UPB1: variants seen among roughly 807,000 people sequenced by gnomAD.
The protein encoded by UPB1 is beta-ureidopropionase.
UPB1 carries 40 observed loss-of-function variants against 49.1 expected under a neutral mutation model. The observed-to-expected ratio is 0.81, with a 90% confidence interval of 0.63 to 1.06. UPB1 has a LOEUF of 1.06. Among genes scored for constraint, UPB1 ranks in the 50% least tolerant of loss-of-function variants. The pLI is 0.00. For synonymous variants in UPB1, 207 were observed against 198.2 expected (o/e 1.04, Z -0.38); for missense variants, 499 against 505.9 (o/e 0.99, Z 0.13).
Position 24,500,416 on chromosome 22 carries a change from C to T in UPB1, c.276+138C>T, listed in dbSNP as rs1034607688. ...TCAAGCAGTAGCAGAGGCGCTTCTGCCCTGGCCTCCCCACATCCCTCCAGC... is the reference window on the plus strand; with the variant it reads ...TCAAGCAGTAGCAGAGGCGCTTCTGTCCTGGCCTCCCCACATCCCTCCAGC... On this transcript the variant is annotated intron_variant, in intron 2 of 9. Coordinates refer to ENST00000326010, the MANE Select transcript of UPB1 (RefSeq NM_016327.3). 1.2e-4 allele frequency: 131 copies of T among 1,059,790 alleles called. 2 individuals carry two copies. The highest frequency in any genetic ancestry group is 1.2e-3 in the Middle Eastern group (4 of 3,348). 65.6% of individuals were successfully genotyped at this position (1,059,790 alleles called of 1,614,324 possible).
At chr22:24,498,662 G>T (rs1568978418) in intron 1 of UPB1, among the ~76,000 whole-genome samples, 1 of 152,144 alleles carries the variant, frequency 6.6e-6, no homozygotes, top group Non-Finnish European at 1.5e-5. Flanking sequence ...GGTAATGGAG[G>T]TTGTGCATGG....
intron 4 of UPB1, among the ~76,000 whole-genome samples, chr22:24,511,610 A>ATTT (rs1378517722): frequency 3.8e-4 from 32 of 83,306 alleles, no homozygotes; most frequent in Admixed American, 1.4e-3. Context: ...ATATATATAT[A>ATTT]TATATATATT....
intron 7 of UPB1, among the ~76,000 whole-genome samples, 160 bp downstream of exon 7, chr22:24,520,628 TTC>T (rs1249045648): frequency 6.6e-6 from 1 of 152,176 alleles, no homozygotes; most frequent in Non-Finnish European, 1.5e-5. Flanking sequence ...CTCCTGTTTT[TTC>T]TGTTTTTGTA....
intron 9 of UPB1, among the ~76,000 whole-genome samples, chr22:24,523,982 A>C (rs867526643): frequency 5.9e-5 from 9 of 152,380 alleles, no homozygotes; most frequent in South Asian, 4.1e-4. Flanking sequence ...AGCAGGCTGC[A>C]ATAAATTCTC....
intron 2 of UPB1, among the ~76,000 whole-genome samples, chr22:24,501,477 G>A (rs1204757138): frequency 6.6e-6 from 1 of 152,222 alleles, no homozygotes; most frequent in African/African-American, 2.4e-5. Flanking sequence ...CAAAGCAGTG[G>A]CACACAATGG....
rs183416774 is a variant in UPB1 at position 24,510,645 on chromosome 22, C to T, written c.365-104C>T. 222 of 1,255,526 alleles carry T rather than the reference C, an allele frequency of 1.8e-4. No homozygotes were observed. In the East Asian group the frequency reaches 2.8e-3, roughly 16 times the overall value. 77.8% of individuals were successfully genotyped at this position (1,255,526 alleles called of 1,614,324 possible). A position where few individuals can be genotyped will look rare whatever the true frequency, so the allele number is the denominator to read the frequency against. On this transcript the variant is annotated intron_variant, in intron 3 of 9. Coordinates refer to ENST00000326010, the MANE Select transcript of UPB1 (RefSeq NM_016327.3). ...ACCCAGAAGCCAGGCCATGGCACTC[C>T]TGAGACTGTATTCTTTTGCAGTGAC...
intron 3 of UPB1, chr22:24,502,530 C>T (rs2044012770): frequency 1.3e-6 from 1 of 779,842 alleles, no homozygotes; most frequent in Non-Finnish European, 2.4e-6. Flanking sequence ...CTGTGCCCTC[C>T]TGACCAGGAC....
intron 8 of UPB1, 93 bp downstream of exon 8, chr22:24,522,121 G>T: frequency 1.4e-6 from 2 of 1,447,256 alleles, no homozygotes; most frequent in South Asian, 2.4e-5. Context: ...CTGCCACACA[G>T]ATCACATCTG....
intron 6 of UPB1, among the ~76,000 whole-genome samples, chr22:24,516,129 C>T (rs974760223): frequency 3.3e-5 from 5 of 152,230 alleles, no homozygotes; most frequent in Admixed American, 6.5e-5. Context: ...GCAGGACAGA[C>T]ATCTGGACAA....
Position 24,527,105 on chromosome 22 carries a change from C to T in UPB1, c.*1311C>T, listed in dbSNP as rs1395733920. 1 of 152,196 alleles carries T rather than the reference C, an allele frequency of 6.6e-6. No individual in the cohort carries two copies. Among genetic ancestry groups the T allele is most frequent in the African/African-American group, 2.4e-5 (1 of 41,430 alleles). 9.4% of individuals were successfully genotyped at this position (152,196 alleles called of 1,614,324 possible). On this transcript the variant is annotated 3_prime_UTR_variant, in exon 10 of 10. Transcript: ENST00000326010. ...GTGGGGTGGCTTATGCCTGTGATCC[C>T]AGCACTTTGGGAAGCCAAGGCAGGT...
intron 3 of UPB1, among the ~76,000 whole-genome samples, chr22:24,506,712 T>G (rs1057497218): frequency 6.6e-6 from 1 of 152,230 alleles, no homozygotes; most frequent in African/African-American, 2.4e-5. Context: ...GTATCTGTGT[T>G]TGTTTTTCCC....
At chr22:24,500,506 T>G (rs542486462) in intron 2 of UPB1, among the ~76,000 whole-genome samples, 1 of 152,352 alleles carries the variant, frequency 6.6e-6, no homozygotes, top group East Asian at 1.9e-4. Flanking sequence ...CACTGATCTT[T>G]CCACTTCTCT....
intron 6 of UPB1, 75 bp downstream of exon 6, chr22:24,515,445 C>T (rs2044279222): frequency 6.2e-7 from 1 of 1,603,240 alleles, no homozygotes; most frequent in Admixed American, 1.7e-5. Context: ...CTGTGGAGCT[C>T]CAAGGTGGCA....
chr22:24,515,408 C>T, intron 6 of UPB1, 38 bp downstream of exon 6: 1 of 1,613,676 alleles, frequency 6.2e-7, no homozygotes, highest in South Asian at 1.1e-5. Flanking sequence ...CTTCCTGGGG[C>T]CCAGCCAGCT....
Position 24,502,015 on chromosome 22 carries a change from C to T in UPB1, c.277-111C>T, listed in dbSNP as rs2044001799. 4.6e-6 allele frequency: 5 copies of T among 1,089,150 alleles called. No homozygotes were observed. The Admixed American group carries it at 6.8e-5, about 15-fold the overall frequency. 67.5% of individuals were successfully genotyped at this position (1,089,150 alleles called of 1,614,324 possible). ...AAATATAGAACCTCCCCACCCTACT[C>T]CTCATACCTGCCCAGGTGGGCATTG... On this transcript the variant is annotated intron_variant, in intron 2 of 9. Transcript: ENST00000326010.
chr22:24,511,612 A>T (rs965133257), intron 4 of UPB1, among the ~76,000 whole-genome samples: 52 of 90,690 alleles, frequency 5.7e-4, no homozygotes, highest in Admixed American at 2.0e-3. Context: ...ATATATATAT[A>T]TATATATTTT....
chr22:24,521,169 G>T (rs2044383027), intron 7 of UPB1, among the ~76,000 whole-genome samples: 1 of 123,986 alleles, frequency 8.1e-6, no homozygotes. Flanking sequence ...GTGACAGAGT[G>T]AGACTCTGTC....
intron 7 of UPB1, among the ~76,000 whole-genome samples, chr22:24,521,347 G>A (rs1022272216): frequency 1.3e-5 from 2 of 152,022 alleles, no homozygotes; most frequent in African/African-American, 4.8e-5. Context: ...GCCGGGCGCG[G>A]TGGTAGGCGC....
intron 3 of UPB1, among the ~76,000 whole-genome samples, chr22:24,506,522 C>T (rs1365252837): frequency 6.6e-6 from 1 of 152,186 alleles, no homozygotes; most frequent in Non-Finnish European, 1.5e-5. Flanking sequence ...TCCCGTGTTT[C>T]CGTGCCTCAG....
Sources: gnomAD v4.1 joint callset for allele counts (sites outside exome capture counted in the v4.1 genomes callset) on GRCh38, gnomAD v4.1.1 for gene constraint, MANE v1.5 for transcripts, NCBI Gene and HGNC (gene_info 2026-07-23, HGNC 2026-07-21) for gene names.